Variants in CDK14 observed in about 807,000 individuals in gnomAD.
The protein encoded by CDK14 is cyclin-dependent kinase 14.
CDK14 carries 34 observed loss-of-function variants against 60.7 expected under a neutral mutation model. The observed-to-expected ratio is 0.56, with a 90% CI of 0.43 to 0.75. The LOEUF is 0.75. Ranked by LOEUF, CDK14 falls within the 30% of genes least tolerant of loss-of-function variation. The probability of loss-of-function intolerance (pLI) is 0.00; values close to 1 mark genes in which losing one functional copy is unlikely to be tolerated. For synonymous variants in CDK14, 197 were observed against 203.7 expected, an observed-to-expected ratio of 0.97 and a Z score of 0.28; for missense variants, 482 against 564.1, an observed-to-expected ratio of 0.85 and a Z score of 1.47.
intron 14 of CDK14, among the ~76,000 whole-genome samples, chr7:91,123,072 G>T (rs1799831377): frequency 6.6e-6 from 1 of 152,154 alleles, no homozygotes. Flanking sequence ...GAAAAATCAG[G>T]CAAGTACAGA....
At chr7:90,683,905 T>TGA (rs1487969866) in intron 2 of CDK14, among the ~76,000 whole-genome samples, 2 of 129,676 alleles carry the variant, frequency 1.5e-5, no homozygotes, top group African/African-American at 5.5e-5. Flanking sequence ...TACGTGTGTG[T>TGA]GTGTGTGTGT....
At chr7:90,679,295 G>A (rs1240621693) in intron 2 of CDK14, among the ~76,000 whole-genome samples, 1 of 152,098 alleles carries the variant, frequency 6.6e-6, no homozygotes, top group East Asian at 1.9e-4. Context: ...TGTGTGATTG[G>A]CTTAAACTGT....
intron 4 of CDK14, among the ~76,000 whole-genome samples, chr7:90,788,476 T>A (rs1338734698): frequency 6.6e-6 from 1 of 152,114 alleles, no homozygotes; most frequent in African/African-American, 2.4e-5. Context: ...GGAGAAGAAG[T>A]TGCAGAACAG....
At chr7:90,769,468 T>C (rs1022439746) in intron 4 of CDK14, among the ~76,000 whole-genome samples, 4 of 88,242 alleles carry the variant, frequency 4.5e-5, no homozygotes, top group Non-Finnish European at 9.1e-5. Flanking sequence ...TCTTTCTCTT[T>C]TCTTTCTTTT....
chr7:91,080,104 T>C (rs1208318396), intron 12 of CDK14, among the ~76,000 whole-genome samples: 1 of 152,214 alleles, frequency 6.6e-6, no homozygotes. Flanking sequence ...AACAGTAATT[T>C]AGTCATTCCC....
intron 2 of CDK14, among the ~76,000 whole-genome samples, chr7:90,655,508 G>A (rs1330831273): frequency 1.3e-5 from 2 of 152,128 alleles, no homozygotes; most frequent in African/African-American, 4.8e-5. Flanking sequence ...ACATACTTAG[G>A]CTTGATTAAT....
At chr7:90,909,480 T>C (rs991294260) in intron 7 of CDK14, among the ~76,000 whole-genome samples, 9 of 126,286 alleles carry the variant, frequency 7.1e-5, no homozygotes, top group African/African-American at 1.2e-4. Flanking sequence ...GCCCAATAAC[T>C]TGGAAACCTA....
chr7:91,035,718 G>GT (rs1562877397), intron 10 of CDK14, among the ~76,000 whole-genome samples: 1 of 151,328 alleles, frequency 6.6e-6, no homozygotes, highest in Non-Finnish European at 1.5e-5. Flanking sequence ...TGTATGAATT[G>GT]TTTATTGCTG....
chr7:91,036,871 T>A (rs773270532), intron 10 of CDK14, among the ~76,000 whole-genome samples: 12 of 152,180 alleles, frequency 7.9e-5, no homozygotes, highest in Non-Finnish European at 1.3e-4. Context: ...CAAGGGCCAG[T>A]TGTAATCTCA....
chr7:90,692,116 T>C (rs930748465), intron 2 of CDK14, among the ~76,000 whole-genome samples: 1 of 152,206 alleles, frequency 6.6e-6, no homozygotes, highest in Admixed American at 6.5e-5. Flanking sequence ...GAAATACATA[T>C]GTTTTGCATC....
chr7:90,781,431 T>C (rs1015453228), intron 4 of CDK14, among the ~76,000 whole-genome samples: 38 of 151,422 alleles, frequency 2.5e-4, no homozygotes, highest in African/African-American at 8.2e-4. Context: ...TTAGATCCCA[T>C]TTGTCAATTT....
Position 91,139,753 on chromosome 7 carries a change from C to G in CDK14, c.*28+21545C>G, listed in dbSNP as rs569378647. On this transcript the variant is annotated intron_variant, in intron 14 of 14. Coordinates refer to ENST00000380050, the MANE Select transcript of CDK14 (RefSeq NM_001287135.2). Reference sequence around the variant, plus strand: ...ACTAGGGAGAGATCAGGAAACAATTCAGAACTTTTCTTTTCTTTTCTTTTT... The same window carrying G: ...ACTAGGGAGAGATCAGGAAACAATTGAGAACTTTTCTTTTCTTTTCTTTTT... Among the ~76,000 whole-genome samples the G allele has an allele frequency of 1.9e-4, 29 of 150,462 alleles. 1 individual carries two copies. In the South Asian group the frequency reaches 3.6e-3, roughly 19 times the overall value.
intron 2 of CDK14, among the ~76,000 whole-genome samples, chr7:90,722,252 G>A (rs900798811): frequency 6.6e-6 from 1 of 151,814 alleles, no homozygotes; most frequent in Non-Finnish European, 1.5e-5. Flanking sequence ...AGTACATGGA[G>A]CATAGTGGCA....
chr7:91,160,505 G>GA (rs1801136152), intron 14 of CDK14, among the ~76,000 whole-genome samples: 1 of 152,030 alleles, frequency 6.6e-6, no homozygotes, highest in South Asian at 2.1e-4. Context: ...GATGGGGGGG[G>GA]ATATAAATTC....
intron 12 of CDK14, among the ~76,000 whole-genome samples, chr7:91,112,174 T>A (rs1336342555): frequency 6.6e-6 from 1 of 152,196 alleles, no homozygotes; most frequent in Non-Finnish European, 1.5e-5. Context: ...TTATTAATTT[T>A]CTATAAATAT....
In CDK14 at chr7:91,031,119, G is replaced by A. The variant is rs1232420989; in HGVS notation, c.1042-14778G>A. On this transcript the variant is annotated intron_variant, in intron 10 of 14. Transcript: ENST00000380050. ...CCACCATGTAGAGAATTGTTTCTTC[G>A]GGGAAATATATTGTGAGTCTCAAAC... Among the ~76,000 whole-genome samples, 14 of 152,260 alleles carry A rather than the reference G, an allele frequency of 9.2e-5. No homozygotes were observed. The East Asian group carries it at 9.6e-4, about 10-fold the overall frequency.
intron 5 of CDK14, among the ~76,000 whole-genome samples, chr7:90,838,677 G>A (rs1790193647): frequency 6.6e-6 from 1 of 152,162 alleles, no homozygotes; most frequent in Non-Finnish European, 1.5e-5. Flanking sequence ...GATAAGGGAT[G>A]AAATACACCC....
intron 12 of CDK14, among the ~76,000 whole-genome samples, chr7:91,105,735 TC>T (rs1401713299): frequency 6.6e-6 from 1 of 152,168 alleles, no homozygotes; most frequent in Non-Finnish European, 1.5e-5. Flanking sequence ...AATTGAACTC[TC>T]CTGTCACCCA....
chr7:91,012,948 A>G (rs932386169), intron 10 of CDK14, among the ~76,000 whole-genome samples: 3 of 152,242 alleles, frequency 2.0e-5, no homozygotes, highest in Non-Finnish European at 4.4e-5. Flanking sequence ...ATTTCTGAGC[A>G]GGCTTCCTGG....
Sources: gnomAD v4.1 joint callset for allele counts (sites outside exome capture counted in the v4.1 genomes callset) on GRCh38, gnomAD v4.1.1 for gene constraint, MANE v1.5 for transcripts, NCBI Gene and HGNC (gene_info 2026-07-23, HGNC 2026-07-21) for gene names.